Variants in NRG1 observed in about 807,000 individuals in gnomAD.
NRG1 encodes the protein pro-neuregulin-1, membrane-bound isoform.
A neutral mutation model predicts 63.8 loss-of-function variants in NRG1; 18 were observed. The ratio of observed to expected loss-of-function variants is 0.28; its 90% CI spans 0.19 to 0.42. The LOEUF (loss-of-function observed/expected upper bound fraction) is 0.42, where lower values mean the gene tolerates loss of function less well. NRG1 is among the 10% of genes least tolerant of loss of function. The pLI is 1.00. For synonymous variants in NRG1, 302 were observed against 301.3 expected, an observed-to-expected ratio of 1.00 and a Z score of -0.02; for missense variants, 762 against 814.7, an observed-to-expected ratio of 0.94 and a Z score of 0.79.
chr8:32,364,976 T>TTTTTTTTTTTTTTTA (rs1807757637), intron 1 of NRG1, among the ~76,000 whole-genome samples: 3 of 131,240 alleles, frequency 2.3e-5, no homozygotes, highest in Non-Finnish European at 4.9e-5. Flanking sequence ...TTTTTTTTTT[T>TTTTTTTTTTTTTTTA]GAGACAGGGT....
intron 1 of NRG1, among the ~76,000 whole-genome samples, chr8:31,856,767 A>C (rs1018628398): frequency 6.6e-6 from 1 of 151,998 alleles, no homozygotes; most frequent in Non-Finnish European, 1.5e-5. Flanking sequence ...GTCTTTGATG[A>C]TGGTGATGTA....
chr8:31,913,685 G>A lies in NRG1; in HGVS notation c.37+274254G>A, dbSNP rs577658751. On this transcript the variant is annotated intron_variant, in intron 1 of 10. Transcript: ENST00000519301. ...CAGGAATATATTCAAGTCACTCTTAGGCGCTTCTCCTCCCAAAACTTAATC... is the reference window on the plus strand; with the variant it reads ...CAGGAATATATTCAAGTCACTCTTAAGCGCTTCTCCTCCCAAAACTTAATC... 9.9e-5 allele frequency among the ~76,000 whole-genome samples: 15 copies of A among 152,160 alleles called. 1 individual carries two copies. In the South Asian group the frequency reaches 3.1e-3, roughly 32 times the overall value.
At chr8:32,687,381 C>T (rs1400317849) in intron 5 of NRG1, among the ~76,000 whole-genome samples, 1 of 152,104 alleles carries the variant, frequency 6.6e-6, no homozygotes, top group African/African-American at 2.4e-5. Context: ...AAAGAAACTG[C>T]AACAGAGCAC....
At chr8:32,772,036 AATATGTATATATATATATATATATATAT>A (rs1475423352), downstream of NRG1, among the ~76,000 whole-genome samples, 16 of 13,926 alleles carry the variant, frequency 1.1e-3, 2 homozygotes, top group African/African-American at 1.9e-3. Flanking sequence ...AAAAAAAAAA[AATATGTATATATATATATATATATATAT>A]ATATATATAT....
At chr8:31,657,885 A>C (rs1191938359) in intron 1 of NRG1, among the ~76,000 whole-genome samples, 3 of 152,130 alleles carry the variant, frequency 2.0e-5, no homozygotes, top group African/African-American at 7.2e-5. Context: ...AACCACGACA[A>C]GGCTGGGAAC....
At chr8:32,346,025 A>G (rs1432794971) in intron 1 of NRG1, among the ~76,000 whole-genome samples, 1 of 148,730 alleles carries the variant, frequency 6.7e-6, no homozygotes, top group African/African-American at 2.4e-5. Flanking sequence ...ATAACAATAA[A>G]TGTATATATA....
chr8:32,662,402 A>T (rs1803094396), intron 5 of NRG1, among the ~76,000 whole-genome samples: 1 of 152,194 alleles, frequency 6.6e-6, no homozygotes, highest in Admixed American at 6.5e-5. Flanking sequence ...CAGAGAGGTG[A>T]TGAAGGCCTG....
intron 1 of NRG1, among the ~76,000 whole-genome samples, chr8:31,853,225 G>T (rs1827450941): frequency 6.6e-6 from 1 of 152,076 alleles, no homozygotes; most frequent in Non-Finnish European, 1.5e-5. Context: ...TCACGATATT[G>T]ATTCTTCCTA....
chr8:31,918,631 A>G (rs1490211954), intron 1 of NRG1, among the ~76,000 whole-genome samples: 4 of 152,078 alleles, frequency 2.6e-5, no homozygotes, highest in African/African-American at 9.7e-5. Flanking sequence ...TTTTTGCATC[A>G]ATGTTCATCA....
chr8:32,112,091 T>C (rs1832100627), intron 1 of NRG1, among the ~76,000 whole-genome samples: 1 of 152,224 alleles, frequency 6.6e-6, no homozygotes, highest in South Asian at 2.1e-4. Flanking sequence ...AGCATTAAAC[T>C]GCTGCCTCCA....
chr8:31,780,437 T>C (rs994202413), intron 1 of NRG1, among the ~76,000 whole-genome samples: 1 of 152,186 alleles, frequency 6.6e-6, no homozygotes, highest in Non-Finnish European at 1.5e-5. Context: ...AGAATTAAGA[T>C]AGGTCAAATA....
intron 1 of NRG1, among the ~76,000 whole-genome samples, chr8:31,825,574 G>A (rs905684359): frequency 6.6e-6 from 1 of 152,036 alleles, no homozygotes; most frequent in African/African-American, 2.4e-5. Flanking sequence ...CCACATTTTG[G>A]ATGAAGGGAC....
At chr8:32,676,149 T>C (rs1425680212) in intron 5 of NRG1, among the ~76,000 whole-genome samples, 2 of 152,174 alleles carry the variant, frequency 1.3e-5, no homozygotes, top group Admixed American at 6.5e-5. Context: ...CTGCCTCATT[T>C]TGATGTTTTA....
intron 1 of NRG1, among the ~76,000 whole-genome samples, chr8:32,389,138 C>T (rs1811398411): frequency 6.6e-6 from 1 of 152,196 alleles, no homozygotes; most frequent in South Asian, 2.1e-4. Flanking sequence ...GCAACCTTGA[C>T]TGTCCCTTCC....
intron 1 of NRG1, among the ~76,000 whole-genome samples, chr8:31,717,796 A>G (rs1009603307): frequency 2.0e-5 from 3 of 152,024 alleles, no homozygotes; most frequent in Admixed American, 2.0e-4. Context: ...AATAAGTGGC[A>G]TTTTTGTTGT....
At chr8:32,309,623 GT>G (rs201742810) in intron 1 of NRG1, among the ~76,000 whole-genome samples, 3 of 151,920 alleles carry the variant, frequency 2.0e-5, no homozygotes, top group African/African-American at 7.3e-5. Context: ...ATGCCCTATT[GT>G]TTTTTTTCTT....
At chr8:31,922,897 TAAC>T (rs2129619105) in intron 1 of NRG1, among the ~76,000 whole-genome samples, 1 of 152,066 alleles carries the variant, frequency 6.6e-6, no homozygotes, top group Non-Finnish European at 1.5e-5. Flanking sequence ...GAAGTAATAA[TAAC>T]AAAGTAAGAA....
At chr8:32,756,301 A>C (rs964741167) in intron 8 of NRG1, 102 bp from the exon 9 acceptor site, 6 of 1,310,556 alleles carry the variant, frequency 4.6e-6, no homozygotes, top group Non-Finnish European at 6.2e-6. Flanking sequence ...TCACCAGTCT[A>C]CTGCCTTGAA....
In NRG1 at chr8:32,648,324, C is replaced by T. The variant is rs145849314; in HGVS notation, c.502+31439C>T. Reference sequence around the variant, plus strand: ...CACCCGGAACCCTGAGGTGAGAACGCCCAAGTCAGCAACTCAGCCACAAAC... The same window carrying T: ...CACCCGGAACCCTGAGGTGAGAACGTCCAAGTCAGCAACTCAGCCACAAAC... On this transcript the variant is annotated intron_variant, in intron 5 of 11. Coordinates refer to ENST00000356819, the Ensembl canonical transcript of NRG1. 7.7e-5 allele frequency: 124 copies of T among 1,614,088 alleles called. No homozygotes were observed. The African/African-American group carries it at 1.5e-3, about 19-fold the overall frequency.
Sources: gnomAD v4.1 joint callset for allele counts (sites outside exome capture counted in the v4.1 genomes callset) on GRCh38, gnomAD v4.1.1 for gene constraint, MANE v1.5 for transcripts, NCBI Gene and HGNC (gene_info 2026-07-23, HGNC 2026-07-21) for gene names.